Variants in TRIM2 observed in about 807,000 individuals in gnomAD.
TRIM2 encodes tripartite motif containing 2.
A neutral mutation model predicts 75.2 loss-of-function variants in TRIM2; 20 were observed. The ratio of observed to expected loss-of-function variants is 0.27; its 90% CI spans 0.19 to 0.39. TRIM2 has a LOEUF of 0.39. Ranked by LOEUF, TRIM2 falls within the 10% of genes least tolerant of loss-of-function variation. The probability of loss-of-function intolerance (pLI) is 1.00; values close to 1 mark genes in which losing one functional copy is unlikely to be tolerated. For synonymous variants in TRIM2, 373 were observed against 388.3 expected (o/e 0.96, Z 0.46); for missense variants, 660 against 990.8 (o/e 0.67, Z 4.48).
intron 2 of TRIM2, among the ~76,000 whole-genome samples, chr4:153,274,491 G>T (rs1757580402): frequency 1.3e-5 from 2 of 152,172 alleles, no homozygotes; most frequent in Admixed American, 6.6e-5. Flanking sequence ...TGAGTTTTAG[G>T]ACCTGCAAGA....
intron 1 of TRIM2, among the ~76,000 whole-genome samples, chr4:153,185,121 G>A (rs537934946): frequency 4.6e-5 from 7 of 152,256 alleles, no homozygotes; most frequent in African/African-American, 9.6e-5. Context: ...TCTTTTTAAC[G>A]CATTCTTCCT....
intron 6 of TRIM2, among the ~76,000 whole-genome samples, chr4:153,304,962 G>A (rs144554997): frequency 2.8e-4 from 42 of 152,316 alleles, no homozygotes; most frequent in African/African-American, 9.6e-4. Flanking sequence ...AAGGGAGCAG[G>A]GAGATGATTA....
chr4:153,244,305 TCCTCCTCCTCCTCC>T (rs1407904380), intron 1 of TRIM2, among the ~76,000 whole-genome samples: 1 of 44,884 alleles, frequency 2.2e-5, no homozygotes, highest in African/African-American at 1.5e-4. Context: ...CTCCTCCTCC[TCCTCCTCCTCCTCC>T]TCTTCTTCTT....
At chr4:153,243,226 A>C (rs992368167) in intron 1 of TRIM2, among the ~76,000 whole-genome samples, 2 of 152,226 alleles carry the variant, frequency 1.3e-5, no homozygotes, top group Non-Finnish European at 2.9e-5. Flanking sequence ...CAGTACCGCC[A>C]AACTGAACTG....
At chr4:153,294,251 T>C (rs1343852805) in intron 4 of TRIM2, 54 bp from the exon 5 acceptor site, 2 of 1,571,244 alleles carry the variant, frequency 1.3e-6, no homozygotes, top group African/African-American at 2.7e-5. Flanking sequence ...TAGATAGATT[T>C]TGGAATATTT....
chr4:153,252,179 C>A (rs1050188308), intron 1 of TRIM2, among the ~76,000 whole-genome samples: 6 of 152,176 alleles, frequency 3.9e-5, no homozygotes, highest in Non-Finnish European at 8.8e-5. Flanking sequence ...TTGCATTAGG[C>A]AGCGTTTATA....
At chr4:153,178,962 G>A (rs1731760457) in intron 1 of TRIM2, among the ~76,000 whole-genome samples, 1 of 152,152 alleles carries the variant, frequency 6.6e-6, no homozygotes. Context: ...AAGGTAGGAG[G>A]ATGGCTTGAG....
At chr4:153,176,862 C>T (rs1023254637) in intron 1 of TRIM2, among the ~76,000 whole-genome samples, 2 of 152,194 alleles carry the variant, frequency 1.3e-5, no homozygotes, top group African/African-American at 2.4e-5. Context: ...CCACCCGCCT[C>T]GGCTTCCCTA....
At chr4:153,266,065 G>T (rs1428636559) in intron 1 of TRIM2, among the ~76,000 whole-genome samples, 5 of 152,208 alleles carry the variant, frequency 3.3e-5, no homozygotes, top group Non-Finnish European at 7.3e-5. Flanking sequence ...AATGGTGGCT[G>T]ATCAGACGTC....
intron 1 of TRIM2, among the ~76,000 whole-genome samples, chr4:153,244,595 T>C (rs983186137): frequency 2.0e-5 from 3 of 151,578 alleles, no homozygotes; most frequent in Admixed American, 6.6e-5. Context: ...AAAAATTTGA[T>C]TCTTGGAATG....
At chr4:153,185,315 G>A (rs372796569) in intron 1 of TRIM2, among the ~76,000 whole-genome samples, 123 of 152,270 alleles carry the variant, frequency 8.1e-4, no homozygotes, top group African/African-American at 2.9e-3. Context: ...CAGGCTCCCC[G>A]TCAGAGAGCT....
At chr4:153,312,194 T>G (rs1311455228) in intron 6 of TRIM2, among the ~76,000 whole-genome samples, 1 of 151,700 alleles carries the variant, frequency 6.6e-6, no homozygotes, top group Non-Finnish European at 1.5e-5. Flanking sequence ...GATAGTTTAC[T>G]GAGAATGATG....
chr4:153,333,912 T>C (rs1448419038), intron 11 of TRIM2, among the ~76,000 whole-genome samples: 1 of 152,154 alleles, frequency 6.6e-6, no homozygotes, highest in Non-Finnish European at 1.5e-5. Context: ...CTGAAGATTT[T>C]GGTATCAGTC....
In TRIM2 at chr4:153,295,828, C is replaced by G; in HGVS notation, c.1302C>G (p.Leu434=). 6.2e-7 allele frequency: 1 copy of G among 1,614,140 alleles called. No homozygotes were observed. The highest frequency in any genetic ancestry group is 8.5e-7 in the Non-Finnish European group (1 of 1,180,032). ...KEGDFTLSLR[L]YDQHIRGSPF... is the part of the protein sequence containing the mutation. ...GGGACTTTACCCTGTCTCTGAGACT[C>G]TATGACCAGCACATCCGAGGCAGCC... Residue 434 remains leucine (L), a synonymous_variant, in exon 6 of 12, where the codon CTC becomes CTG. Coordinates refer to ENST00000338700, the MANE Select transcript of TRIM2 (RefSeq NM_015271.5). The surrounding 1 kb of genome is among the most constrained non-coding windows in gnomAD (Gnocchi z 7.2).
At chr4:153,259,122 G>A (rs1752777373) in intron 1 of TRIM2, among the ~76,000 whole-genome samples, 1 of 152,190 alleles carries the variant, frequency 6.6e-6, no homozygotes, top group Admixed American at 6.5e-5. Context: ...TTCTCTGATA[G>A]AACGTGCTGT....
chr4:153,199,306 A>G (rs1432724451), intron 1 of TRIM2, among the ~76,000 whole-genome samples: 1 of 152,214 alleles, frequency 6.6e-6, no homozygotes, highest in African/African-American at 2.4e-5. Flanking sequence ...CTGAGTTCAA[A>G]TATAGTCCTT....
chr4:153,332,480 A>G (rs1282027307), intron 11 of TRIM2, among the ~76,000 whole-genome samples: 1 of 152,184 alleles, frequency 6.6e-6, no homozygotes, highest in Non-Finnish European at 1.5e-5. Flanking sequence ...CTGCGTCTCT[A>G]CTAAAAATAC....
chr4:153,332,357 A>C (rs945987615), intron 11 of TRIM2, among the ~76,000 whole-genome samples: 3 of 152,188 alleles, frequency 2.0e-5, no homozygotes, highest in South Asian at 2.1e-4. Flanking sequence ...ATAATGAACA[A>C]AAGGCGGCTG....
chr4:153,212,493 A>T (rs1378711086), intron 1 of TRIM2, among the ~76,000 whole-genome samples: 1 of 152,180 alleles, frequency 6.6e-6, no homozygotes, highest in African/African-American at 2.4e-5. Flanking sequence ...CCATTACGCA[A>T]TATTTCCATG....
Sources: gnomAD v4.1 joint callset for allele counts (sites outside exome capture counted in the v4.1 genomes callset) on GRCh38, gnomAD v4.1.1 for gene constraint, Gnocchi (gnomAD v3.1) non-coding constraint, MANE v1.5 for transcripts, NCBI Gene and HGNC (gene_info 2026-07-23, HGNC 2026-07-21) for gene names.